Variants in KANK1 observed in about 807,000 individuals in gnomAD.
KANK1 encodes KN motif and ankyrin repeat domain-containing protein 1.
A neutral mutation model predicts 106.2 loss-of-function variants in KANK1; 109 were observed. The ratio of observed to expected loss-of-function variants is 1.03; its 90% CI spans 0.88 to 1.20. KANK1 has a LOEUF of 1.20. Among genes scored for constraint, KANK1 ranks in the 50% most tolerant of loss-of-function variants. The pLI, the probability that KANK1 is intolerant of heterozygous loss-of-function variation, is 0.00. For missense variants in KANK1, 2,399 were observed against 1,710.7 expected, an observed-to-expected ratio of 1.40 and a Z score of -7.10; for synonymous variants, 873 against 652.2, an observed-to-expected ratio of 1.34 and a Z score of -5.16.
At chr9:701,224 C>A (rs1822577284) in intron 2 of KANK1, among the ~76,000 whole-genome samples, 1 of 152,138 alleles carries the variant, frequency 6.6e-6, no homozygotes, top group African/African-American at 2.4e-5. Flanking sequence ...AGCAATTTTC[C>A]TGCCTCAGCC....
At chr9:581,185 C>T (rs1822042461) in intron 1 of KANK1, among the ~76,000 whole-genome samples, 1 of 152,182 alleles carries the variant, frequency 6.6e-6, no homozygotes, top group Non-Finnish European at 1.5e-5. Context: ...GCAGAGGGAG[C>T]CGGCTCCGGC....
At chr9:575,828 G>C (rs890553444) in intron 1 of KANK1, among the ~76,000 whole-genome samples, 4 of 152,198 alleles carry the variant, frequency 2.6e-5, no homozygotes, top group Non-Finnish European at 5.9e-5. Context: ...TTCAAGACCA[G>C]CCTGGTCAAC....
chr9:473,233 A>G (rs976068340), exon 3 of KANK1: 6 of 152,328 alleles, frequency 3.9e-5, no homozygotes, highest in African/African-American at 1.4e-4. Context: ...GATTCGTACC[A>G]CTGCTCCTCA....
At chr9:687,062 A>G (rs747519204) in intron 2 of KANK1, 39 of 372,140 alleles carry the variant, frequency 1.0e-4, no homozygotes, top group Middle Eastern at 1.4e-3. Flanking sequence ...CTGCATTTCA[A>G]TTGGGGTGTT....
intron 1 of KANK1, among the ~76,000 whole-genome samples, chr9:593,993 C>A (rs1054456734): frequency 2.0e-5 from 3 of 151,964 alleles, no homozygotes; most frequent in African/African-American, 7.3e-5. Context: ...CTGGGCTGTG[C>A]CCTTCACACT....
At chr9:558,197 G>A (rs911712702) in intron 1 of KANK1, among the ~76,000 whole-genome samples, 1 of 152,204 alleles carries the variant, frequency 6.6e-6, no homozygotes, top group Non-Finnish European at 1.5e-5. Flanking sequence ...CTAGACCTAT[G>A]ACTTGGAGCT....
chr9:564,575 T>C (rs1017332013), intron 1 of KANK1, among the ~76,000 whole-genome samples: 4 of 152,176 alleles, frequency 2.6e-5, no homozygotes, highest in African/African-American at 9.7e-5. Context: ...AAAAGTAATG[T>C]TTTAGCATGT....
intron 1 of KANK1, among the ~76,000 whole-genome samples, chr9:556,595 C>T (rs1202509502): frequency 2.0e-5 from 3 of 152,116 alleles, no homozygotes; most frequent in Non-Finnish European, 2.9e-5. Flanking sequence ...TTCATTGATC[C>T]AAAGTGAGAT....
intron 1 of KANK1, among the ~76,000 whole-genome samples, chr9:609,917 C>T (rs1195073444): frequency 1.3e-5 from 2 of 151,984 alleles, no homozygotes; most frequent in Non-Finnish European, 2.9e-5. Context: ...ATGTTTTTAT[C>T]TTTCTTATAC....
intron 7 of KANK1, 92 bp downstream of exon 7, chr9:734,927 G>C (rs1833364473): frequency 1.2e-6 from 1 of 868,252 alleles, no homozygotes; most frequent in South Asian, 1.4e-5. Flanking sequence ...CCGAGCTGTT[G>C]CTTGCATGCT....
At chr9:553,672 A>C (rs2061409476) in intron 1 of KANK1, among the ~76,000 whole-genome samples, 1 of 152,234 alleles carries the variant, frequency 6.6e-6, no homozygotes, top group African/African-American at 2.4e-5. Flanking sequence ...CCAGAGATGA[A>C]GTATGAGAAA....
chr9:651,865 A>C (rs1276028949), intron 1 of KANK1, among the ~76,000 whole-genome samples: 1 of 152,230 alleles, frequency 6.6e-6, no homozygotes, highest in Non-Finnish European at 1.5e-5. Flanking sequence ...TCTGAGCCAG[A>C]AATGAAAAAT....
In KANK1 at chr9:551,796, C is replaced by G. The variant is rs143319783; in HGVS notation, c.-84+47042C>G. On this transcript the variant is annotated intron_variant, in intron 1 of 11. Coordinates refer to ENST00000382297, the MANE Select transcript of KANK1 (RefSeq NM_015158.5). Reference sequence around the variant, plus strand: ...GGTGCAGTGTCTCACACCTGTAATCCCAGCACTTTGAGAGGCCAAGGCAGG... The same window carrying G: ...GGTGCAGTGTCTCACACCTGTAATCGCAGCACTTTGAGAGGCCAAGGCAGG... 3.8e-3 allele frequency among the ~76,000 whole-genome samples: 576 copies of G among 151,964 alleles called. 1 individual carries two copies. Among genetic ancestry groups the G allele is most frequent in the African/African-American group, 0.013 (547 of 41,428 alleles).
intron 1 of KANK1, chr9:539,482 C>T (rs529117629): frequency 1.3e-5 from 2 of 152,194 alleles, no homozygotes; most frequent in African/African-American, 4.8e-5. Flanking sequence ...AAATTTATTA[C>T]TAAGTATTTC....
intron 1 of KANK1, among the ~76,000 whole-genome samples, chr9:563,182 T>C (rs907961932): frequency 1.6e-5 from 1 of 62,640 alleles, no homozygotes; most frequent in Admixed American, 2.4e-4. Context: ...ATGAAATATT[T>C]TGTCAGACTT....
At chr9:722,603 T>A (rs990147434) in intron 3 of KANK1, among the ~76,000 whole-genome samples, 1 of 152,212 alleles carries the variant, frequency 6.6e-6, no homozygotes, top group African/African-American at 2.4e-5. Context: ...CTTATCAAGT[T>A]CAGAGAATTG....
intron 2 of KANK1, among the ~76,000 whole-genome samples, chr9:708,818 T>G (rs1240861855): frequency 6.6e-6 from 1 of 152,206 alleles, no homozygotes; most frequent in Non-Finnish European, 1.5e-5. Flanking sequence ...TTTTGAGTTC[T>G]TTCCATAGCT....
chr9:547,569 G>C (rs1342802339), intron 1 of KANK1, among the ~76,000 whole-genome samples: 3 of 151,500 alleles, frequency 2.0e-5, no homozygotes, highest in African/African-American at 7.2e-5. Context: ...ATCTGAGATA[G>C]GCAAGCCTTG....
intron 1 of KANK1, among the ~76,000 whole-genome samples, chr9:656,557 A>G (rs935455548): frequency 2.6e-5 from 4 of 152,096 alleles, no homozygotes; most frequent in African/African-American, 9.7e-5. Flanking sequence ...CCTCAACAGA[A>G]TGGGATCAGG....
Sources: allele counts gnomAD v4.1 joint callset (sites outside exome capture counted in the v4.1 genomes callset), GRCh38; gene constraint gnomAD v4.1.1; transcripts MANE v1.5; gene names NCBI Gene and HGNC (gene_info 2026-07-23, HGNC 2026-07-21).